The following CDKAL1 variants were observed in gnomAD, a reference collection of about 807,000 sequenced individuals.
The protein encoded by CDKAL1 is CDKAL1 threonylcarbamoyladenosine tRNA methylthiotransferase, also known as threonylcarbamoyladenosine tRNA methylthiotransferase.
CDKAL1 carries 32 observed loss-of-function variants against 68.2 expected under a neutral mutation model. That is an observed-to-expected ratio of 0.47 (90% CI 0.35 to 0.63). The LOEUF is 0.63. Among genes scored for constraint, CDKAL1 ranks in the 30% least tolerant of loss-of-function variants. CDKAL1 has a pLI of 0.00. For synonymous variants in CDKAL1, 234 were observed against 244.3 expected, an observed-to-expected ratio of 0.96 and a Z score of 0.39; for missense variants, 606 against 696.7, an observed-to-expected ratio of 0.87 and a Z score of 1.47.
chr6:21,165,588 A>C lies in CDKAL1; in HGVS notation c.1300-32433A>C, dbSNP rs1201989989. Among the ~76,000 whole-genome samples the C allele has an allele frequency of 2.0e-5, 3 of 152,188 alleles. No individual in the cohort carries two copies. The South Asian group carries it at 6.2e-4, about 32-fold the overall frequency. On this transcript the variant is annotated intron_variant, in intron 13 of 15. Transcript: ENST00000274695. Reference sequence around the variant, plus strand: ...CTCTGATTTGAGAGCTCGTAGAAGAAACAACATTAGTAAATTACTGTGTTG... The same window carrying C: ...CTCTGATTTGAGAGCTCGTAGAAGACACAACATTAGTAAATTACTGTGTTG...
intron 11 of CDKAL1, among the ~76,000 whole-genome samples, chr6:21,055,535 C>G (rs1770782020): frequency 6.6e-6 from 1 of 152,138 alleles, no homozygotes; most frequent in African/African-American, 2.4e-5. Flanking sequence ...CTCTTCCCCA[C>G]CTCAACAGGC....
chr6:21,218,131 C>T (rs1779408690), intron 15 of CDKAL1, among the ~76,000 whole-genome samples: 1 of 152,154 alleles, frequency 6.6e-6, no homozygotes, highest in Non-Finnish European at 1.5e-5. Flanking sequence ...CTAGTTTTTC[C>T]TTAGCCAGGT....
intron 11 of CDKAL1, among the ~76,000 whole-genome samples, chr6:21,060,090 A>AAATAGTTT (rs56413720): frequency 0.2 from 31,055 of 151,888 alleles, 3,300 homozygotes; most frequent in African/African-American, 0.25. Context: ...TCTATCTTTG[A>AAATAGTTT]AATAGTTTCC....
chr6:21,029,343 A>C (rs1482404547), intron 11 of CDKAL1, among the ~76,000 whole-genome samples: 1 of 152,170 alleles, frequency 6.6e-6, no homozygotes, highest in African/African-American at 2.4e-5. Context: ...TACAGGCATG[A>C]GCCACCATAC....
intron 13 of CDKAL1, among the ~76,000 whole-genome samples, chr6:21,109,986 T>G (rs1774041656): frequency 1.3e-5 from 2 of 152,256 alleles, no homozygotes; most frequent in African/African-American, 4.8e-5. Flanking sequence ...TTCCTCCTCA[T>G]ATCCTTTGTG....
At chr6:20,729,233 C>T (rs971392005) in intron 5 of CDKAL1, among the ~76,000 whole-genome samples, 1 of 152,118 alleles carries the variant, frequency 6.6e-6, no homozygotes, top group Non-Finnish European at 1.5e-5. Flanking sequence ...GACATCTGTC[C>T]CCTTAGATTA....
At chr6:20,771,727 C>T (rs915235907) in intron 7 of CDKAL1, among the ~76,000 whole-genome samples, 5 of 152,094 alleles carry the variant, frequency 3.3e-5, no homozygotes, top group African/African-American at 1.2e-4. Context: ...AGGGAATTCT[C>T]ATGTGAGTTG....
intron 13 of CDKAL1, among the ~76,000 whole-genome samples, chr6:21,121,928 G>A (rs775739109): frequency 7.9e-5 from 12 of 152,160 alleles, no homozygotes; most frequent in Non-Finnish European, 1.5e-4. Context: ...GTGGTCGTGG[G>A]TTTTGGGGTT....
intron 10 of CDKAL1, among the ~76,000 whole-genome samples, chr6:20,956,537 T>G (rs1172253284): frequency 6.6e-6 from 1 of 152,206 alleles, no homozygotes; most frequent in African/African-American, 2.4e-5. Context: ...AGCATGAAAA[T>G]GAATAACTTT....
At chr6:20,612,990 TAC>T (rs55999857) in intron 4 of CDKAL1, among the ~76,000 whole-genome samples, 5,743 of 129,758 alleles carry the variant, frequency 0.044, 139 homozygotes, top group South Asian at 0.064. Context: ...TTGCAATTTC[TAC>T]ACACACACAC....
chr6:21,029,081 C>T (rs1390624847), intron 11 of CDKAL1, among the ~76,000 whole-genome samples: 1 of 152,154 alleles, frequency 6.6e-6, no homozygotes, highest in Non-Finnish European at 1.5e-5. Context: ...GAGTCTCACT[C>T]TGTTTCCCAG....
intron 4 of CDKAL1, among the ~76,000 whole-genome samples, chr6:20,630,251 C>G (rs890049551): frequency 4.6e-5 from 7 of 152,090 alleles, no homozygotes; most frequent in African/African-American, 1.7e-4. Context: ...GCATTGATAG[C>G]CCATATTGAT....
intron 4 of CDKAL1, among the ~76,000 whole-genome samples, chr6:20,592,538 G>A (rs1464611929): frequency 2.7e-5 from 4 of 149,630 alleles, no homozygotes; most frequent in African/African-American, 7.4e-5. Flanking sequence ...GTGCAATTTC[G>A]GCCCACTGCA....
intron 11 of CDKAL1, among the ~76,000 whole-genome samples, chr6:21,043,751 G>A (rs190917608): frequency 1.3e-4 from 20 of 152,272 alleles, no homozygotes; most frequent in Admixed American, 1.0e-3. Context: ...GGAATTAAAA[G>A]CAATTCTTAT....
At position 20,584,633 on chromosome 6, in the gene CDKAL1, T is replaced by C. The variant is rs143788818; in HGVS notation, c.286+35928T>C. Among the ~76,000 whole-genome samples, 9 of 152,312 alleles carry C rather than the reference T, an allele frequency of 5.9e-5. No homozygotes were observed. The East Asian group carries it at 1.7e-3, about 29-fold the overall frequency. On this transcript the variant is annotated intron_variant, in intron 4 of 15. Coordinates refer to ENST00000274695, the MANE Select transcript of CDKAL1 (RefSeq NM_017774.3). ...GAGTTAAGGCTTAAGCTGAGGTCCCTGGGTAGTTAGGTAGTTCTAAGAATG... is the reference window on the plus strand; with the variant it reads ...GAGTTAAGGCTTAAGCTGAGGTCCCCGGGTAGTTAGGTAGTTCTAAGAATG...
chr6:21,115,823 A>G (rs1774376911), intron 13 of CDKAL1, among the ~76,000 whole-genome samples: 1 of 152,336 alleles, frequency 6.6e-6, no homozygotes. Flanking sequence ...GCCTTGAAAT[A>G]AGGACATACT....
At chr6:20,619,599 T>C (rs9368214) in intron 4 of CDKAL1, among the ~76,000 whole-genome samples, 121,842 of 152,136 alleles carry the variant, frequency 0.8, 48,850 homozygotes, top group Middle Eastern at 0.91. Flanking sequence ...ATGCAGATTT[T>C]GGTTATCATT....
intron 11 of CDKAL1, among the ~76,000 whole-genome samples, chr6:21,017,065 C>A (rs1768380274): frequency 6.6e-6 from 1 of 152,218 alleles, no homozygotes; most frequent in Non-Finnish European, 1.5e-5. Flanking sequence ...TCACTGATTT[C>A]TTCTACATGC....
intron 11 of CDKAL1, among the ~76,000 whole-genome samples, chr6:21,003,369 T>TACACACACACACACAC (rs1292656062): frequency 1.1e-4 from 5 of 46,612 alleles, no homozygotes; most frequent in African/African-American, 4.4e-4. Context: ...TATATATATA[T>TACACACACACACACAC]ATACACACAC....
Sources: allele counts gnomAD v4.1 joint callset (sites outside exome capture counted in the v4.1 genomes callset), GRCh38; gene constraint gnomAD v4.1.1; transcripts MANE v1.5; gene names NCBI Gene and HGNC (gene_info 2026-07-23, HGNC 2026-07-21).